Variants in KCNH7 observed in about 807,000 individuals in gnomAD.
KCNH7 encodes the protein voltage-gated inwardly rectifying potassium channel KCNH7.
Under a neutral mutation model 120.8 loss-of-function variants are expected in KCNH7, and 49 were observed. The observed-to-expected ratio is 0.41, with a 90% CI of 0.32 to 0.51. KCNH7 has a LOEUF of 0.51. KCNH7 is among the 20% of genes least tolerant of loss of function. The pLI is 0.38. For missense variants in KCNH7, 1,097 were observed against 1,446.6 expected (o/e 0.76, Z 3.92); for synonymous variants, 547 against 516.1 (o/e 1.06, Z -0.81).
intron 2 of KCNH7, among the ~76,000 whole-genome samples, chr2:162,773,574 T>C (rs1683136089): frequency 1.3e-5 from 2 of 149,438 alleles, no homozygotes; most frequent in South Asian, 2.1e-4. Context: ...CAAATAAAAA[T>C]AGTGTTAACT....
intron 2 of KCNH7, among the ~76,000 whole-genome samples, chr2:162,743,236 G>A (rs561172826): frequency 6.6e-6 from 1 of 152,192 alleles, no homozygotes; most frequent in South Asian, 2.1e-4. Flanking sequence ...CAGCCTTTTT[G>A]CATACCGTTT....
intron 2 of KCNH7, among the ~76,000 whole-genome samples, chr2:162,742,493 C>T (rs10930066): frequency 0.021 from 3,242 of 152,210 alleles, 72 homozygotes; most frequent in East Asian, 0.11. Flanking sequence ...TTGCACATTA[C>T]ACTTTTTATA....
intron 2 of KCNH7, among the ~76,000 whole-genome samples, chr2:162,825,695 G>T (rs1483159965): frequency 6.6e-6 from 1 of 152,018 alleles, no homozygotes; most frequent in Non-Finnish European, 1.5e-5. Flanking sequence ...AGTAATAATT[G>T]TTGGTAATAT....
intron 9 of KCNH7, among the ~76,000 whole-genome samples, chr2:162,416,722 G>A (rs1213057855): frequency 6.6e-6 from 1 of 152,042 alleles, no homozygotes; most frequent in South Asian, 2.1e-4. Context: ...GCATAGCTCT[G>A]GAGTGTTAAA....
intron 10 of KCNH7, 78 bp downstream of exon 10, chr2:162,400,110 CT>C: frequency 4.1e-6 from 6 of 1,471,932 alleles, no homozygotes; most frequent in East Asian, 2.3e-5. Flanking sequence ...ATACATCAGT[CT>C]TTTTTTCCTA....
chr2:162,786,786 C>G (rs192304464), intron 2 of KCNH7, among the ~76,000 whole-genome samples: 9 of 152,242 alleles, frequency 5.9e-5, no homozygotes, highest in African/African-American at 2.2e-4. Flanking sequence ...AGAGGGGTAT[C>G]ATCAGCAACA....
intron 2 of KCNH7, among the ~76,000 whole-genome samples, chr2:162,571,319 C>A (rs1190858274): frequency 3.3e-5 from 5 of 152,056 alleles, no homozygotes; most frequent in African/African-American, 4.8e-5. Flanking sequence ...AATTAAATAC[C>A]TGGGAATCCA....
At chr2:162,418,602 G>T (rs774282978) in intron 9 of KCNH7, among the ~76,000 whole-genome samples, 1 of 152,052 alleles carries the variant, frequency 6.6e-6, no homozygotes, top group African/African-American at 2.4e-5. Flanking sequence ...AAATATAAAG[G>T]TCTGGCCCAG....
intron 2 of KCNH7, among the ~76,000 whole-genome samples, chr2:162,784,184 C>T (rs1683615031): frequency 1.3e-5 from 2 of 152,060 alleles, no homozygotes; most frequent in Non-Finnish European, 2.9e-5. Context: ...AAAAAATATG[C>T]TACTTAATAC....
At chr2:162,432,450 G>A (rs191605405) in intron 8 of KCNH7, among the ~76,000 whole-genome samples, 10 of 151,866 alleles carry the variant, frequency 6.6e-5, no homozygotes, top group East Asian at 1.9e-4. Context: ...CAATAAACTT[G>A]GTGAATTTAT....
intron 6 of KCNH7, among the ~76,000 whole-genome samples, chr2:162,454,916 G>C (rs1688906046): frequency 6.6e-6 from 1 of 152,016 alleles, no homozygotes; most frequent in Admixed American, 6.6e-5. Context: ...ATTCCTATTT[G>C]AATACGCTTT....
chr2:162,606,370 C>A (rs1682774542), intron 2 of KCNH7, among the ~76,000 whole-genome samples: 2 of 152,100 alleles, frequency 1.3e-5, no homozygotes, highest in South Asian at 2.1e-4. Flanking sequence ...AACCAAAAAA[C>A]CCTGAATTTA....
At chr2:162,440,860 A>G (rs1005023263) in intron 7 of KCNH7, among the ~76,000 whole-genome samples, 34 of 152,250 alleles carry the variant, frequency 2.2e-4, no homozygotes, top group Middle Eastern at 6.8e-3. Context: ...AAGTGATTCT[A>G]AACAGTAGTA....
intron 2 of KCNH7, among the ~76,000 whole-genome samples, chr2:162,758,124 G>A (rs1171805567): frequency 6.6e-6 from 1 of 152,138 alleles, no homozygotes; most frequent in Non-Finnish European, 1.5e-5. Flanking sequence ...AACATAGCAA[G>A]AGCTGAGTAA....
intron 2 of KCNH7, among the ~76,000 whole-genome samples, chr2:162,760,116 T>A (rs1688917773): frequency 6.6e-6 from 1 of 152,128 alleles, no homozygotes; most frequent in African/African-American, 2.4e-5. Flanking sequence ...GATAGCTAGC[T>A]AGAATACTTA....
intron 2 of KCNH7, among the ~76,000 whole-genome samples, chr2:162,541,248 T>A (rs1692292377): frequency 1.3e-5 from 2 of 151,906 alleles, no homozygotes; most frequent in Admixed American, 6.6e-5. Context: ...AGAGAATGGA[T>A]TACGTATAAG....
At chr2:162,557,557 A>G (rs887096692) in intron 2 of KCNH7, among the ~76,000 whole-genome samples, 3 of 152,210 alleles carry the variant, frequency 2.0e-5, no homozygotes, top group Admixed American at 1.3e-4. Flanking sequence ...TGGAAAATGC[A>G]ACTGGCTGCA....
intron 2 of KCNH7, among the ~76,000 whole-genome samples, chr2:162,761,448 GA>G (rs1688963033): frequency 6.6e-6 from 1 of 152,094 alleles, no homozygotes; most frequent in Admixed American, 6.6e-5. Context: ...TGTAACTAAA[GA>G]AAGAGGGTTT....
chr2:162,483,662 A>G (rs1001377974), intron 6 of KCNH7, among the ~76,000 whole-genome samples: 2 of 152,146 alleles, frequency 1.3e-5, no homozygotes, highest in Non-Finnish European at 2.9e-5. Context: ...TTTCAGAACA[A>G]ATGAGTAATA....
Sources: gnomAD v4.1 joint callset for allele counts (sites outside exome capture counted in the v4.1 genomes callset) on GRCh38, gnomAD v4.1.1 for gene constraint, MANE v1.5 for transcripts, NCBI Gene and HGNC (gene_info 2026-07-23, HGNC 2026-07-21) for gene names.